Variants in TACR3 observed in about 807,000 individuals in gnomAD.
TACR3 encodes the protein neuromedin-K receptor.
TACR3 carries 34 observed loss-of-function variants against 35.0 expected under a neutral mutation model. That is an observed-to-expected ratio of 0.97 (90% CI 0.74 to 1.30). TACR3 has a LOEUF of 1.30. TACR3 is among the 50% of genes most tolerant of loss of function. The pLI is 0.00. For missense variants in TACR3, 558 were observed against 591.7 expected, an observed-to-expected ratio of 0.94 and a Z score of 0.59; for synonymous variants, 233 against 221.1, an observed-to-expected ratio of 1.05 and a Z score of -0.48.
chr4:103,600,844 T>C (rs995838658), intron 3 of TACR3, among the ~76,000 whole-genome samples: 1 of 152,222 alleles, frequency 6.6e-6, no homozygotes, highest in African/African-American at 2.4e-5. Flanking sequence ...ATAATTTCTG[T>C]TCTTTTACAT....
chr4:103,626,634 T>C (rs1312334020), intron 3 of TACR3, among the ~76,000 whole-genome samples: 1 of 152,158 alleles, frequency 6.6e-6, no homozygotes, highest in Non-Finnish European at 1.5e-5. Context: ...GCCAGGTAAT[T>C]TATATTTGAT....
intron 1 of TACR3, among the ~76,000 whole-genome samples, chr4:103,718,024 C>T (rs1207041187): frequency 6.6e-6 from 1 of 152,066 alleles, no homozygotes; most frequent in East Asian, 1.9e-4. Context: ...AAAATATTTT[C>T]TAGAGATATA....
At chr4:103,645,402 A>G (rs991617785) in intron 3 of TACR3, among the ~76,000 whole-genome samples, 1 of 151,972 alleles carries the variant, frequency 6.6e-6, no homozygotes, top group African/African-American at 2.4e-5. Context: ...AAGAATGGAA[A>G]AATGGAAAAT....
chr4:103,615,132 G>T (rs547454375), intron 3 of TACR3, among the ~76,000 whole-genome samples: 2 of 151,760 alleles, frequency 1.3e-5, no homozygotes, highest in Non-Finnish European at 2.9e-5. Context: ...TCCTGACCTC[G>T]TGATCCGCCC....
chr4:103,651,503 T>C (rs1027271118), intron 3 of TACR3, among the ~76,000 whole-genome samples: 13 of 151,684 alleles, frequency 8.6e-5, no homozygotes, highest in African/African-American at 3.2e-4. Flanking sequence ...TCCCATCTGG[T>C]CCAGGTAGGT....
In TACR3 at chr4:103,658,324, G is replaced by T. The variant is rs1415160059; in HGVS notation, c.628C>A (p.Leu210Ile). 1.2e-6 allele frequency: 2 copies of T among 1,613,936 alleles called. No individual in the cohort carries two copies. The highest frequency in any genetic ancestry group is 4.5e-5 in the East Asian group (2 of 44,812). Residue 210 changes from leucine (L) to isoleucine (I), a missense_variant, in exon 2 of 5, where the codon CTA becomes ATA. Coordinates refer to ENST00000304883, the MANE Select transcript of TACR3 (RefSeq NM_001059.3). ...TKIVIGSIWILAFLLAFPQCL... is the reference protein window; with the variant it reads ...TKIVIGSIWIIAFLLAFPQCL... ...TGAGGGAAGGCAAGTAGAAATGCTAGAATCCAAATACTTCCAATGACAATC... is the reference window on the plus strand; with the variant it reads ...TGAGGGAAGGCAAGTAGAAATGCTATAATCCAAATACTTCCAATGACAATC...
At chr4:103,597,250 C>T (rs1478310603) in intron 3 of TACR3, among the ~76,000 whole-genome samples, 1 of 151,474 alleles carries the variant, frequency 6.6e-6, no homozygotes, top group Non-Finnish European at 1.5e-5. Context: ...TCTCCACATC[C>T]TCTCCAGCAC....
At chr4:103,656,103 C>T (rs1725728436) in intron 3 of TACR3, 91 bp downstream of exon 3, 5 of 1,484,270 alleles carry the variant, frequency 3.4e-6, no homozygotes, top group Non-Finnish European at 2.8e-6. Context: ...AGCATCAGAT[C>T]ATATTGTATT....
intron 3 of TACR3, among the ~76,000 whole-genome samples, chr4:103,593,739 C>A (rs1723943592): frequency 6.6e-6 from 1 of 152,198 alleles, no homozygotes; most frequent in East Asian, 1.9e-4. Flanking sequence ...GCACAATTGT[C>A]ATTTTTTCTT....
intron 3 of TACR3, among the ~76,000 whole-genome samples, chr4:103,651,705 T>C (rs971159482): frequency 2.6e-5 from 4 of 151,986 alleles, no homozygotes; most frequent in Admixed American, 6.6e-5. Flanking sequence ...TGAGTCTCAC[T>C]TGAAGCTAGC....
intron 3 of TACR3, among the ~76,000 whole-genome samples, chr4:103,626,862 A>G (rs531941100): frequency 2.6e-5 from 4 of 152,122 alleles, no homozygotes; most frequent in East Asian, 3.9e-4. Context: ...AAGTTTCCAA[A>G]GGTCCCTATG....
intron 1 of TACR3, among the ~76,000 whole-genome samples, chr4:103,683,775 A>T (rs1722162116): frequency 6.6e-6 from 1 of 151,902 alleles, no homozygotes; most frequent in South Asian, 2.1e-4. Context: ...ACATAATTGA[A>T]AAGTAGAGAA....
chr4:103,716,244 TGTG>T (rs2110234203), intron 1 of TACR3, among the ~76,000 whole-genome samples: 1 of 151,868 alleles, frequency 6.6e-6, no homozygotes, highest in South Asian at 2.1e-4. Context: ...TGTGTGTGTG[TGTG>T]TGTGTGTGTT....
chr4:103,605,604 T>C (rs975575883), intron 3 of TACR3, among the ~76,000 whole-genome samples: 9 of 152,038 alleles, frequency 5.9e-5, no homozygotes, highest in Admixed American at 5.2e-4. Context: ...TTTCATGTGT[T>C]TTTTGGCTGC....
intron 3 of TACR3, among the ~76,000 whole-genome samples, chr4:103,650,754 AT>A (rs1560822123): frequency 5.7e-4 from 52 of 91,262 alleles, no homozygotes; most frequent in Non-Finnish European, 8.9e-4. Context: ...TAATATATAT[AT>A]TATATATGAT....
At chr4:103,610,242 G>A (rs1447842401) in intron 3 of TACR3, among the ~76,000 whole-genome samples, 2 of 152,002 alleles carry the variant, frequency 1.3e-5, no homozygotes, top group Non-Finnish European at 2.9e-5. Flanking sequence ...CCCTCCAATA[G>A]TGTATAAGAG....
At chr4:103,591,816 A>T (rs1723903815) in intron 3 of TACR3, 133 bp from the exon 4 acceptor site, 1 of 897,384 alleles carries the variant, frequency 1.1e-6, no homozygotes, top group African/African-American at 1.7e-5. Flanking sequence ...ATATTAAAAA[A>T]TGGTGAAGCA....
At chr4:103,638,465 T>C (rs1302015814) in intron 3 of TACR3, among the ~76,000 whole-genome samples, 1 of 151,936 alleles carries the variant, frequency 6.6e-6, no homozygotes, top group Admixed American at 6.6e-5. Flanking sequence ...ACTTACATGT[T>C]CGACCTAAAA....
intron 3 of TACR3, among the ~76,000 whole-genome samples, chr4:103,602,644 T>C (rs1454237371): frequency 1.3e-5 from 2 of 152,200 alleles, no homozygotes; most frequent in Non-Finnish European, 2.9e-5. Context: ...GGAGTTTGCC[T>C]AGAGGTCCAC....
Sources: gnomAD v4.1 joint callset for allele counts (sites outside exome capture counted in the v4.1 genomes callset) on GRCh38, gnomAD v4.1.1 for gene constraint, MANE v1.5 for transcripts, NCBI Gene and HGNC (gene_info 2026-07-23, HGNC 2026-07-21) for gene names.